Variants in SLCO1A2 observed in about 807,000 individuals in gnomAD.
SLCO1A2 encodes the protein solute carrier organic anion transporter family member 1A2.
Under a neutral mutation model 69.0 loss-of-function variants are expected in SLCO1A2, and 67 were observed. The observed-to-expected ratio is 0.97, with a 90% CI of 0.80 to 1.19. The LOEUF (loss-of-function observed/expected upper bound fraction) is 1.19. Among genes scored for constraint, SLCO1A2 ranks in the 50% most tolerant of loss-of-function variants. SLCO1A2 has a pLI of 0.00. For missense variants in SLCO1A2, 787 were observed against 793.7 expected, an observed-to-expected ratio of 0.99 and a Z score of 0.10; for synonymous variants, 260 against 265.9, an observed-to-expected ratio of 0.98 and a Z score of 0.22.
chr12:21,347,440 GT>G (rs1480298749), intron 2 of SLCO1A2, among the ~76,000 whole-genome samples: 2 of 152,138 alleles, frequency 1.3e-5, no homozygotes, highest in African/African-American at 4.8e-5. Context: ...GAGGTCAGGA[GT>G]TCAAGACCAG....
At chr12:21,315,799 T>C (rs975166912) in intron 3 of SLCO1A2, among the ~76,000 whole-genome samples, 4 of 152,186 alleles carry the variant, frequency 2.6e-5, no homozygotes, top group African/African-American at 9.7e-5. Context: ...TTGTTTGAAA[T>C]CCATATCTGT....
chr12:21,350,886 A>T (rs1937901543), intron 2 of SLCO1A2, among the ~76,000 whole-genome samples: 1 of 144,530 alleles, frequency 6.9e-6, no homozygotes. Context: ...CTGGGAGGTG[A>T]AATTAGATTG....
intron 1 of SLCO1A2, among the ~76,000 whole-genome samples, chr12:21,394,747 C>T (rs1004925813): frequency 1.3e-5 from 2 of 151,988 alleles, no homozygotes; most frequent in African/African-American, 4.8e-5. Flanking sequence ...ATTATCCCAT[C>T]GAGAGGCTTG....
At chr12:21,408,057 A>C (rs1941850674) in intron 1 of SLCO1A2, among the ~76,000 whole-genome samples, 1 of 152,080 alleles carries the variant, frequency 6.6e-6, no homozygotes, top group Non-Finnish European at 1.5e-5. Flanking sequence ...TGTTTAGAAA[A>C]TTCTGTGGCA....
intron 2 of SLCO1A2, among the ~76,000 whole-genome samples, chr12:21,347,687 A>AGGAAGGAAGGAC (rs1953314989): frequency 7.0e-6 from 1 of 143,038 alleles, no homozygotes. Context: ...GAAGGAAGGA[A>AGGAAGGAAGGAC]GGAAGGAAGG....
At chr12:21,360,040 G>T (rs1374724969) in intron 2 of SLCO1A2, among the ~76,000 whole-genome samples, 4 of 151,754 alleles carry the variant, frequency 2.6e-5, no homozygotes, top group Non-Finnish European at 5.9e-5. Context: ...AGGCAAAAAG[G>T]AATACATGCT....
At chr12:21,328,912 G>A (rs1232715846) in intron 2 of SLCO1A2, among the ~76,000 whole-genome samples, 1 of 152,146 alleles carries the variant, frequency 6.6e-6, no homozygotes, top group Non-Finnish European at 1.5e-5. Flanking sequence ...AGTTTCACAT[G>A]GCTTGCATAT....
intron 2 of SLCO1A2, among the ~76,000 whole-genome samples, chr12:21,364,488 A>C (rs958272325): frequency 1.3e-5 from 2 of 152,216 alleles, no homozygotes; most frequent in Non-Finnish European, 2.9e-5. Flanking sequence ...AAATGGGCAC[A>C]AGATAGGGAT....
intron 2 of SLCO1A2, among the ~76,000 whole-genome samples, chr12:21,346,036 T>A (rs1003594789): frequency 6.6e-6 from 1 of 151,978 alleles, no homozygotes; most frequent in African/African-American, 2.4e-5. Flanking sequence ...AATAAATTAA[T>A]GAATATATTC....
At chr12:21,365,808 T>G (rs1467483520) in intron 2 of SLCO1A2, among the ~76,000 whole-genome samples, 1 of 152,216 alleles carries the variant, frequency 6.6e-6, no homozygotes, top group Non-Finnish European at 1.5e-5. Flanking sequence ...ATGCTCATCA[T>G]CACTGGCCAT....
chr12:21,340,394 C>G (rs1348082101), intron 2 of SLCO1A2, among the ~76,000 whole-genome samples: 2 of 151,944 alleles, frequency 1.3e-5, no homozygotes, highest in Non-Finnish European at 1.5e-5. Context: ...CTTCAGCAGC[C>G]AGATTACAAA....
rs186183327 is a variant in SLCO1A2, at chr12:21,384,820, C to A, written c.-190+10086G>T. Among the ~76,000 whole-genome samples the A allele has an allele frequency of 1.3e-3, 191 of 147,712 alleles. 2 individuals carry two copies. Among genetic ancestry groups the A allele is most frequent in the Admixed American group, 0.012 (177 of 14,682 alleles). On this transcript the variant is annotated intron_variant, in intron 1 of 15. Transcript: ENST00000307378. The stretch of plus-strand genomic sequence containing the variant: ...TCGTTCTGTCACTCAGGCTGGAGAG[C>A]GGTGGCGCGATCTCGGCTCACTTCA...
intron 1 of SLCO1A2, among the ~76,000 whole-genome samples, chr12:21,415,916 G>C (rs950588606): frequency 6.6e-6 from 1 of 151,726 alleles, no homozygotes; most frequent in Non-Finnish European, 1.5e-5. Context: ...CTTCCATCTG[G>C]AGGATTTTCT....
chr12:21,372,923 G>T (rs1393398966), intron 2 of SLCO1A2: 1 of 212,614 alleles, frequency 4.7e-6, no homozygotes, highest in Non-Finnish European at 9.4e-6. Context: ...TATTCCAGTG[G>T]ATACAAGCTT....
intron 14 of SLCO1A2, among the ~76,000 whole-genome samples, chr12:21,273,262 A>G (rs553733535): frequency 1.3e-5 from 2 of 152,192 alleles, no homozygotes; most frequent in Admixed American, 1.3e-4. Context: ...TTTTCTTATC[A>G]TCATGGACAA....
chr12:21,305,301 G>A (rs77676075), intron 5 of SLCO1A2, among the ~76,000 whole-genome samples: 2,320 of 152,266 alleles, frequency 0.015, 53 homozygotes, highest in African/African-American at 0.053. Context: ...TGCCATCTAT[G>A]TTCTAAGCCA....
In SLCO1A2 at chr12:21,295,459, G is replaced by C. The variant is rs1947570149; in HGVS notation, c.1271+138C>G. On this transcript the variant is annotated intron_variant, in intron 10 of 14. Coordinates refer to ENST00000683939, the MANE Select transcript of SLCO1A2 (RefSeq NM_001386879.1). Reference sequence around the variant, plus strand: ...GATAGATTGGCTTGATTGACAGATGGAGGAAAGATACAGGAAAAGCATGGA... The same window carrying C: ...GATAGATTGGCTTGATTGACAGATGCAGGAAAGATACAGGAAAAGCATGGA... The C allele has an allele frequency of 7.1e-5, 45 of 629,462 alleles. No individual in the cohort carries two copies. In the South Asian group the frequency reaches 8.2e-4, roughly 11 times the overall value. 39.0% of individuals were successfully genotyped at this position (629,462 alleles called of 1,614,324 possible). A position where few individuals can be genotyped will look rare whatever the true frequency, so the allele number is the denominator to read the frequency against.
At chr12:21,320,780 T>C (rs973415702) in intron 2 of SLCO1A2, among the ~76,000 whole-genome samples, 1 of 152,226 alleles carries the variant, frequency 6.6e-6, no homozygotes, top group African/African-American at 2.4e-5. Flanking sequence ...ATTAAAAGCA[T>C]GAGCCACCAT....
At chr12:21,351,335 A>C (rs926525101) in intron 2 of SLCO1A2, among the ~76,000 whole-genome samples, 3 of 152,238 alleles carry the variant, frequency 2.0e-5, no homozygotes, top group African/African-American at 7.2e-5. Flanking sequence ...AGTGTGGTCT[A>C]TAGTCCACCT....
Sources: allele counts gnomAD v4.1 joint callset (sites outside exome capture counted in the v4.1 genomes callset), GRCh38; gene constraint gnomAD v4.1.1; transcripts MANE v1.5; gene names NCBI Gene and HGNC (gene_info 2026-07-23, HGNC 2026-07-21).